NID1: variants seen among roughly 807,000 people sequenced by gnomAD.
NID1 encodes the protein nidogen 1, also known as nidogen-1.
Under a neutral mutation model 130.6 loss-of-function variants are expected in NID1, and 76 were observed. The observed-to-expected ratio is 0.58, with a 90% CI of 0.48 to 0.70. The LOEUF is 0.70. Ranked by LOEUF, NID1 falls within the 30% of genes least tolerant of loss-of-function variation. The pLI, the probability that NID1 is intolerant of heterozygous loss-of-function variation, is 0.00. For synonymous variants in NID1, 665 were observed against 675.1 expected, an observed-to-expected ratio of 0.98 and a Z score of 0.23; for missense variants, 1,517 against 1,664.8, an observed-to-expected ratio of 0.91 and a Z score of 1.54.
intron 12 of NID1, among the ~76,000 whole-genome samples, chr1:235,997,235 G>C (rs1034792347): frequency 8.5e-5 from 13 of 152,148 alleles, no homozygotes; most frequent in African/African-American, 3.1e-4. Flanking sequence ...AATATTTTCG[G>C]CTTTGTGGGC....
Position 235,991,039 on chromosome 1 carries a change from G to A in NID1, c.2775C>T (p.Pro925=), listed in dbSNP as rs763009822. 6.2e-6 allele frequency: 10 copies of A among 1,602,032 alleles called. No individual in the cohort carries two copies. The highest frequency in any genetic ancestry group is 5.1e-5 in the Admixed American group (3 of 58,554). Residue 925 remains proline, a synonymous_variant, in exon 14 of 20, where the codon CCC becomes CCT. Coordinates refer to ENST00000264187, the MANE Select transcript of NID1 (RefSeq NM_002508.3). The part of the protein sequence containing the change: ...MTPPCLSTVA[P]PIHQGPAVPT... The stretch of plus-strand genomic sequence containing the variant: ...GCACCGCAGGTCCTTGGTGAATCGG[G>A]GGAGCCACTGTACTCAGACCTGCAT...
intron 13 of NID1, among the ~76,000 whole-genome samples, chr1:235,993,033 C>A (rs1195783011): frequency 6.6e-6 from 1 of 151,346 alleles, no homozygotes; most frequent in Non-Finnish European, 1.5e-5. Flanking sequence ...GGCCCCTGGC[C>A]CCCAGGACAG....
At chr1:235,991,135 A>C in intron 13 of NID1, 77 bp from the exon 14 acceptor site, 2 of 1,251,290 alleles carry the variant, frequency 1.6e-6, no homozygotes, top group Non-Finnish European at 2.2e-6. Flanking sequence ...ACACCCCCAC[A>C]CACATGCACG....
Position 236,045,483 on chromosome 1 carries a change from G to A in NID1, c.726C>T (p.Asp242=). The A allele has an allele frequency of 6.2e-7, 1 of 1,614,080 alleles. No individual in the cohort carries two copies. Among genetic ancestry groups the A allele is most frequent in the African/African-American group, 1.3e-5 (1 of 75,034 alleles). The part of the protein sequence containing the change: ...SNGAYNIFAN[D]RESVENLAKS... ...TGGCCAAATTTTCAACTGATTCCCT[G>A]TCATTAGCAAATATGTTATAAGCTC... The change falls in exon 3 of 20, where the codon GAC becomes GAT. Residue 242 remains aspartate (D), a synonymous_variant. Transcript: ENST00000264187.
At chr1:236,018,946 G>T (rs1658677739) in intron 9 of NID1, among the ~76,000 whole-genome samples, 1 of 152,096 alleles carries the variant, frequency 6.6e-6, no homozygotes, top group Non-Finnish European at 1.5e-5. Flanking sequence ...TGTCCTACTG[G>T]CCTATTGGTC....
intron 6 of NID1, 60 bp from the exon 7 acceptor site, chr1:236,029,810 C>G: frequency 6.4e-7 from 1 of 1,556,902 alleles, no homozygotes; most frequent in Non-Finnish European, 8.8e-7. Flanking sequence ...TCTGCCCGCC[C>G]CAGGCTCACA....
intron 1 of NID1, among the ~76,000 whole-genome samples, chr1:236,064,193 G>A (rs564378229): frequency 9.0e-4 from 137 of 152,296 alleles, no homozygotes; most frequent in Middle Eastern, 3.4e-3. Flanking sequence ...AGGATCCAGG[G>A]AGCTGTAGGT....
chr1:235,978,371 G>C (rs58901374), intron 19 of NID1, among the ~76,000 whole-genome samples: 2 of 152,226 alleles, frequency 1.3e-5, no homozygotes, highest in East Asian at 3.8e-4. Context: ...GAGGGAAGCT[G>C]AGAAGGAAAG....
At chr1:235,978,039 T>C (rs1420453199) in intron 19 of NID1, 51 bp from the exon 20 acceptor site, 3 of 1,596,758 alleles carry the variant, frequency 1.9e-6, no homozygotes, top group Non-Finnish European at 2.6e-6. Flanking sequence ...TCTGACTCCA[T>C]AGCCATTTAA....
intron 2 of NID1, among the ~76,000 whole-genome samples, chr1:236,048,368 A>AATAG (rs990010890): frequency 1.3e-5 from 2 of 151,962 alleles, no homozygotes; most frequent in African/African-American, 4.8e-5. Flanking sequence ...TAAATAAATA[A>AATAG]ATTATCCTTC....
intron 12 of NID1, among the ~76,000 whole-genome samples, chr1:236,002,439 G>C (rs1251457788): frequency 6.6e-6 from 1 of 152,158 alleles, no homozygotes; most frequent in Non-Finnish European, 1.5e-5. Flanking sequence ...GGAGGCGGAG[G>C]TTGCAGTGAG....
At chr1:236,037,397 C>T (rs1178993855) in intron 5 of NID1, among the ~76,000 whole-genome samples, 1 of 152,162 alleles carries the variant, frequency 6.6e-6, no homozygotes, top group Non-Finnish European at 1.5e-5. Flanking sequence ...CTGGCTCACA[C>T]CTGTAATCCC....
chr1:236,056,375 A>C (rs1269874199), intron 1 of NID1, among the ~76,000 whole-genome samples: 3 of 152,168 alleles, frequency 2.0e-5, no homozygotes, highest in Non-Finnish European at 4.4e-5. Flanking sequence ...GTACATATTT[A>C]TGGGGTACAC....
chr1:236,013,158 G>A (rs974670264), intron 11 of NID1, among the ~76,000 whole-genome samples: 6 of 152,198 alleles, frequency 3.9e-5, no homozygotes, highest in African/African-American at 9.7e-5. Flanking sequence ...TCCTAGCAGA[G>A]AGCAGGTGTC....
At chr1:235,992,794 G>A (rs1050361948) in intron 13 of NID1, among the ~76,000 whole-genome samples, 2 of 152,190 alleles carry the variant, frequency 1.3e-5, no homozygotes, top group Admixed American at 1.3e-4. Flanking sequence ...GCAGCTTCGG[G>A]GAAATATTTG....
intron 13 of NID1, 36 bp downstream of exon 13, chr1:235,993,609 C>T (rs1390137994): frequency 2.0e-6 from 3 of 1,486,374 alleles, no homozygotes; most frequent in Non-Finnish European, 2.7e-6. Context: ...AGGTCCTTCT[C>T]AGGCACACGC....
chr1:236,041,215 G>A (rs1407498026), intron 4 of NID1, among the ~76,000 whole-genome samples: 3 of 152,066 alleles, frequency 2.0e-5, no homozygotes, highest in Non-Finnish European at 4.4e-5. Flanking sequence ...CTACAGGCGT[G>A]TGTCACCACG....
At chr1:236,013,588 CT>C (rs1658498505) in intron 10 of NID1, 28 bp from the exon 11 acceptor site, 2 of 1,613,786 alleles carry the variant, frequency 1.2e-6, no homozygotes, top group African/African-American at 1.3e-5. Context: ...GATGCACAGT[CT>C]TAGGAAGAAA....
At chr1:236,001,340 C>T (rs1264085839) in intron 12 of NID1, among the ~76,000 whole-genome samples, 3 of 151,958 alleles carry the variant, frequency 2.0e-5, no homozygotes, top group Non-Finnish European at 4.4e-5. Context: ...CTCCTGACCT[C>T]GTGATTCACC....
Sources: allele counts gnomAD v4.1 joint callset (sites outside exome capture counted in the v4.1 genomes callset), GRCh38; gene constraint gnomAD v4.1.1; transcripts MANE v1.5; gene names NCBI Gene and HGNC (gene_info 2026-07-23, HGNC 2026-07-21).